Variants in ZSCAN25 observed in about 807,000 individuals in gnomAD.
ZSCAN25 encodes zinc finger and SCAN domain-containing protein 25.
In ZSCAN25, 27 loss-of-function variants were observed where a neutral mutation model predicts 38.7. The observed-to-expected ratio is 0.70, with a 90% confidence interval of 0.51 to 0.96. ZSCAN25 has a LOEUF of 0.96. ZSCAN25 is among the 40% of genes least tolerant of loss of function. The pLI, the probability that ZSCAN25 is intolerant of heterozygous loss-of-function variation, is 0.00. For synonymous variants in ZSCAN25, 273 were observed against 277.7 expected (o/e 0.98, Z 0.17); for missense variants, 637 against 705.9 (o/e 0.90, Z 1.11).
the ZSCAN25 span, chr7:99,709,092 T>TGGAATCATGATGAAG: frequency 1.2e-6 from 2 of 1,613,922 alleles, no homozygotes; most frequent in African/African-American, 2.7e-5. Flanking sequence ...ATGAAGAACA[T>TGGAATCATGATGAAG]AGCTTGGAAT....
the ZSCAN25 span, chr7:99,660,647 A>C: frequency 6.2e-7 from 1 of 1,613,874 alleles, no homozygotes; most frequent in African/African-American, 1.3e-5. Flanking sequence ...TGCGAGCTCC[A>C]GATCAGACAG....
At chr7:99,658,514 A>AT in the ZSCAN25 span, among the ~76,000 whole-genome samples, 1 of 151,616 alleles carries the variant, frequency 6.6e-6, no homozygotes, top group Non-Finnish European at 1.5e-5. Context: ...TGCCCTTAAC[A>AT]TTTTTTCCTT....
the ZSCAN25 span, chr7:99,720,627 A>G: frequency 7.2e-4 from 364 of 508,692 alleles, 7 homozygotes; most frequent in East Asian, 0.012. Flanking sequence ...AATGTGGGCC[A>G]AACAGGGAAG....
the ZSCAN25 span, chr7:99,652,522 G>T: frequency 6.6e-7 from 1 of 1,518,896 alleles, no homozygotes; most frequent in Non-Finnish European, 9.0e-7. Flanking sequence ...GCCTGGGTCA[G>T]GGTGAGCTCC....
the ZSCAN25 span, chr7:99,717,261 A>G: frequency 8.7e-6 from 14 of 1,613,840 alleles, no homozygotes; most frequent in East Asian, 2.2e-4. Context: ...AATGATAGGG[A>G]CCATCTAAGC....
the ZSCAN25 span, among the ~76,000 whole-genome samples, chr7:99,645,138 G>A: frequency 6.6e-6 from 1 of 152,138 alleles, no homozygotes; most frequent in African/African-American, 2.4e-5. Context: ...TTACAGGTGA[G>A]TGCCACCACA....
At chr7:99,690,542 A>G in the ZSCAN25 span, among the ~76,000 whole-genome samples, 2 of 152,132 alleles carry the variant, frequency 1.3e-5, no homozygotes, top group Non-Finnish European at 2.9e-5. Flanking sequence ...TTTGCAACCT[A>G]CTCATCTGAC....
Position 99,629,150 on chromosome 7 carries a change from G to T in ZSCAN25, c.806-41G>T. ...GAGTTCTAACATGTAAATGTCCTGCGGCTACCACAGAATCAATCTTTATCT... is the reference window on the plus strand; with the variant it reads ...GAGTTCTAACATGTAAATGTCCTGCTGCTACCACAGAATCAATCTTTATCT... On this transcript the variant is annotated intron_variant, in intron 7 of 7. Coordinates refer to ENST00000394152, the MANE Select transcript of ZSCAN25 (RefSeq NM_145115.3). This position sits in a 1 kb window ranked among gnomAD's most constrained non-coding sequence, Gnocchi z 5.6. 1.3e-6 allele frequency: 2 copies of T among 1,547,270 alleles called. No individual in the cohort carries two copies. The highest frequency in any genetic ancestry group is 1.7e-6 in the Non-Finnish European group (2 of 1,149,058).
chr7:99,701,540 A>G, the ZSCAN25 span, among the ~76,000 whole-genome samples: 12 of 152,296 alleles, frequency 7.9e-5, no homozygotes, highest in Non-Finnish European at 1.8e-4. Context: ...ACTGTTCTCT[A>G]TAGTGGTTGT....
At chr7:99,617,859 A>T (rs991806257) in intron 1 of ZSCAN25, among the ~76,000 whole-genome samples, 2 of 152,210 alleles carry the variant, frequency 1.3e-5, no homozygotes, top group Admixed American at 6.5e-5. Flanking sequence ...GCCTCCAGGG[A>T]ATCTGTTAGA....
the ZSCAN25 span, among the ~76,000 whole-genome samples, chr7:99,698,307 T>C: frequency 6.6e-6 from 1 of 152,222 alleles, no homozygotes; most frequent in Non-Finnish European, 1.5e-5. Flanking sequence ...ACACATTTGA[T>C]GTCCCTGTGT....
At chr7:99,620,905 A>C (rs1806898717) in intron 4 of ZSCAN25, 1 of 152,888 alleles carries the variant, frequency 6.5e-6, no homozygotes, top group Non-Finnish European at 1.5e-5. Context: ...ACAGGCATGC[A>C]TGCCTGGCTA....
chr7:99,662,122 T>C, the ZSCAN25 span, among the ~76,000 whole-genome samples: 1 of 152,218 alleles, frequency 6.6e-6, no homozygotes, highest in Non-Finnish European at 1.5e-5. This position sits in a 1 kb window ranked among gnomAD's most constrained non-coding sequence, Gnocchi z 4.3. Flanking sequence ...GACATGGACA[T>C]GTTTAAAGTG....
At chr7:99,714,946 C>A in the ZSCAN25 span, among the ~76,000 whole-genome samples, 1 of 152,172 alleles carries the variant, frequency 6.6e-6, no homozygotes, top group African/African-American at 2.4e-5. Context: ...AAATTCAATG[C>A]CCTAATCTCT....
the ZSCAN25 span, among the ~76,000 whole-genome samples, chr7:99,699,789 T>G: frequency 6.6e-6 from 1 of 152,216 alleles, no homozygotes; most frequent in African/African-American, 2.4e-5. Context: ...AATGCTTATT[T>G]ATTTCTTCAT....
At chr7:99,638,796 C>T in the ZSCAN25 span, 1 of 849,334 alleles carries the variant, frequency 1.2e-6, no homozygotes, top group Admixed American at 1.9e-5. Flanking sequence ...CAGGGGCATT[C>T]AGGTGTCCTG....
the ZSCAN25 span, chr7:99,676,124 G>C: frequency 6.8e-6 from 11 of 1,613,592 alleles, no homozygotes; most frequent in Non-Finnish European, 9.3e-6. Context: ...CCTGACGATA[G>C]GACAAAACAT....
the ZSCAN25 span, among the ~76,000 whole-genome samples, chr7:99,694,048 G>A: frequency 1.3e-5 from 2 of 152,202 alleles, no homozygotes; most frequent in Admixed American, 6.5e-5. Flanking sequence ...AAGTGCTGTA[G>A]ATACTGAATG....
chr7:99,663,697 G>A, the ZSCAN25 span: 18,807 of 1,059,184 alleles, frequency 0.018, 174 homozygotes, highest in Non-Finnish European at 0.02. Context: ...TTATTAAAGG[G>A]AAGAGAAGTG....
Sources: gnomAD v4.1 joint callset for allele counts (sites outside exome capture counted in the v4.1 genomes callset) on GRCh38, gnomAD v4.1.1 for gene constraint, Gnocchi (gnomAD v3.1) non-coding constraint, MANE v1.5 for transcripts, NCBI Gene and HGNC (gene_info 2026-07-23, HGNC 2026-07-21) for gene names.